The following TRPM3 variants were observed in gnomAD, a reference collection of about 807,000 sequenced individuals.
TRPM3 encodes the protein long transient receptor potential channel 3.
TRPM3 carries 77 observed loss-of-function variants against 181.2 expected under a neutral mutation model. That is an observed-to-expected ratio of 0.42 (90% CI 0.35 to 0.51). TRPM3 has a LOEUF of 0.51. TRPM3 is among the 20% of genes least tolerant of loss of function. The pLI, the probability that TRPM3 is intolerant of heterozygous loss-of-function variation, is 0.01. For missense variants in TRPM3, 1,759 were observed against 2,196.7 expected (o/e 0.80, Z 3.98); for synonymous variants, 745 against 796.4 (o/e 0.94, Z 1.09).
At chr9:70,548,568 TA>T (rs2045650514) in intron 25 of TRPM3, among the ~76,000 whole-genome samples, 1 of 152,248 alleles carries the variant, frequency 6.6e-6, no homozygotes, top group Admixed American at 6.5e-5. Flanking sequence ...CCATTCTGAC[TA>T]AAGTCGTCAA....
chr9:71,122,797 G>A (rs1283726810), upstream of TRPM3, among the ~76,000 whole-genome samples: 1 of 152,132 alleles, frequency 6.6e-6, no homozygotes, highest in African/African-American at 2.4e-5. Flanking sequence ...TCCACGGGTG[G>A]AAGGCAGACC....
At chr9:71,446,551 T>A (rs1354580467) in intron 1 of TRPM3, 11 of 1,233,416 alleles carry the variant, frequency 8.9e-6, no homozygotes, top group Non-Finnish European at 1.2e-5. Flanking sequence ...GTTCCCTGGC[T>A]CTCACCCTTA....
intron 22 of TRPM3, among the ~76,000 whole-genome samples, chr9:70,576,801 C>T (rs1216139443): frequency 1.3e-5 from 2 of 152,194 alleles, no homozygotes; most frequent in African/African-American, 2.4e-5. Flanking sequence ...GCGTGAGCCA[C>T]CACACCCGGC....
intron 1 of TRPM3, among the ~76,000 whole-genome samples, chr9:71,058,674 C>T (rs541368624): frequency 1.2e-4 from 19 of 152,122 alleles, no homozygotes; most frequent in East Asian, 3.9e-4. Context: ...CCATAAGTCA[C>T]GTTAAATTAA....
intron 1 of TRPM3, among the ~76,000 whole-genome samples, chr9:70,907,146 T>C (rs1360667343): frequency 2.0e-5 from 3 of 152,214 alleles, no homozygotes; most frequent in South Asian, 4.1e-4. Context: ...TGTTTAAATA[T>C]GTCTACTTGC....
chr9:70,695,814 C>T (rs1458504939), intron 8 of TRPM3, among the ~76,000 whole-genome samples: 1 of 152,190 alleles, frequency 6.6e-6, no homozygotes, highest in Non-Finnish European at 1.5e-5. Flanking sequence ...CAGCTGATGA[C>T]CTTGACGCCG....
chr9:71,438,247 T>C (rs2131648278), intron 1 of TRPM3, among the ~76,000 whole-genome samples: 1 of 152,352 alleles, frequency 6.6e-6, no homozygotes, highest in Non-Finnish European at 1.5e-5. Flanking sequence ...AATTATAATG[T>C]GTCCACTACA....
At chr9:70,781,722 A>T (rs2082504488) in intron 7 of TRPM3, among the ~76,000 whole-genome samples, 1 of 152,082 alleles carries the variant, frequency 6.6e-6, no homozygotes, top group East Asian at 1.9e-4. Flanking sequence ...AATTTAAATA[A>T]TCTTAATTTA....
At chr9:71,272,177 G>A (rs1019526347) in intron 1 of TRPM3, among the ~76,000 whole-genome samples, 12 of 152,120 alleles carry the variant, frequency 7.9e-5, no homozygotes, top group African/African-American at 2.9e-4. Flanking sequence ...GAAGAAAAGT[G>A]TCGTATTTTT....
At position 70,549,659 on chromosome 9, in the gene TRPM3, T is replaced by A. The variant is rs1408554621; in HGVS notation, c.3590A>T (p.Asp1197Val). Residue 1197 changes from aspartate to valine, a missense_variant, in exon 25 of 26, where the codon GAT (aspartate) becomes GTT (valine). This residue lies in a region of TRPM3 where 96 missense variants were observed against 129.6 expected (regional missense o/e 0.74). Coordinates refer to ENST00000677713, the MANE Select transcript of TRPM3 (RefSeq NM_001366145.2). ...GTCATGTACTTTCTTGAGCTCATCA[T>A]CGGTTATGAAGAGTTCTGTGGAAAA... ...RDYGLKLFIT[D>V]DELKKVHDFE... The A allele has an allele frequency of 1.2e-6, 2 of 1,608,140 alleles. No individual in the cohort carries two copies. The highest frequency in any genetic ancestry group is 2.2e-5 in the South Asian group (2 of 90,582).
At chr9:70,859,856 G>A (rs115945151) in intron 3 of TRPM3, among the ~76,000 whole-genome samples, 15 of 152,272 alleles carry the variant, frequency 9.9e-5, no homozygotes, top group African/African-American at 3.6e-4. Context: ...AGTGGATACA[G>A]GAGGTTGACT....
chr9:70,542,580 A>T (rs2043741390), intron 25 of TRPM3, among the ~76,000 whole-genome samples: 1 of 152,224 alleles, frequency 6.6e-6, no homozygotes, highest in Admixed American at 6.5e-5. Context: ...TCAAAAGAAG[A>T]TTATGGTGGC....
At chr9:70,611,162 T>C (rs565653893) in intron 18 of TRPM3, among the ~76,000 whole-genome samples, 1 of 152,216 alleles carries the variant, frequency 6.6e-6, no homozygotes, top group South Asian at 2.1e-4. Flanking sequence ...CTTCAGATGA[T>C]AATGACCCTT....
chr9:71,274,233 T>A (rs1326750752), intron 1 of TRPM3, among the ~76,000 whole-genome samples: 4 of 152,178 alleles, frequency 2.6e-5, no homozygotes, highest in African/African-American at 9.6e-5. Context: ...CCAAGTGGAT[T>A]TCAGGAGGGA....
chr9:71,434,304 A>G (rs989521898), intron 1 of TRPM3, among the ~76,000 whole-genome samples: 5 of 152,164 alleles, frequency 3.3e-5, no homozygotes, highest in African/African-American at 1.2e-4. Flanking sequence ...ATGAAAGTGG[A>G]GCCCTCAAGA....
chr9:71,360,494 C>T (rs1307867354), intron 1 of TRPM3, among the ~76,000 whole-genome samples: 1 of 152,092 alleles, frequency 6.6e-6, no homozygotes, highest in Non-Finnish European at 1.5e-5. Context: ...AGATTAGGTA[C>T]TATAGTTGGG....
chr9:71,147,146 C>T (rs943220400), intron 1 of TRPM3, among the ~76,000 whole-genome samples: 29 of 152,048 alleles, frequency 1.9e-4, no homozygotes, highest in Non-Finnish European at 5.9e-5. Flanking sequence ...TTTGCTTAAG[C>T]TAGTTTGAGT....
intron 1 of TRPM3, among the ~76,000 whole-genome samples, chr9:70,912,968 T>C (rs2096553796): frequency 6.6e-6 from 1 of 152,150 alleles, no homozygotes; most frequent in Non-Finnish European, 1.5e-5. Flanking sequence ...GTTTTCTCCT[T>C]CTCTGAAATC....
chr9:71,002,707 A>G (rs1451866203), intron 1 of TRPM3, among the ~76,000 whole-genome samples: 1 of 152,172 alleles, frequency 6.6e-6, no homozygotes, highest in African/African-American at 2.4e-5. Flanking sequence ...CTAATGAATT[A>G]TAAATAAGTA....
Sources: gnomAD v4.1 joint callset for allele counts (sites outside exome capture counted in the v4.1 genomes callset) on GRCh38, gnomAD v4.1.1 for gene constraint, gnomAD v4.1.1 regional missense constraint, MANE v1.5 for transcripts, NCBI Gene and HGNC (gene_info 2026-07-23, HGNC 2026-07-21) for gene names.